Variants in ITGA9 observed in about 807,000 individuals in gnomAD.
The protein encoded by ITGA9 is integrin subunit alpha 9.
ITGA9 carries 56 observed loss-of-function variants against 127.8 expected under a neutral mutation model. The observed-to-expected ratio is 0.44, with a 90% CI of 0.35 to 0.55. The LOEUF (loss-of-function observed/expected upper bound fraction) is 0.55, where lower values mean the gene tolerates loss of function less well. Ranked by LOEUF, ITGA9 falls within the 20% of genes least tolerant of loss-of-function variation. The pLI is 0.00. For missense variants in ITGA9, 1,196 were observed against 1,347.1 expected, an observed-to-expected ratio of 0.89 and a Z score of 1.76; for synonymous variants, 508 against 514.5, an observed-to-expected ratio of 0.99 and a Z score of 0.17.
chr3:37,687,047 G>A (rs1191555706), intron 18 of ITGA9, among the ~76,000 whole-genome samples: 8 of 152,092 alleles, frequency 5.3e-5, no homozygotes, highest in African/African-American at 1.7e-4. Context: ...GATACAGAGG[G>A]AAAGCATAAG....
intron 18 of ITGA9, among the ~76,000 whole-genome samples, chr3:37,720,320 T>G (rs904130388): frequency 3.9e-5 from 6 of 152,218 alleles, no homozygotes; most frequent in Admixed American, 2.0e-4. Context: ...CGCATAACCT[T>G]TTCATCCAAA....
intron 15 of ITGA9, among the ~76,000 whole-genome samples, chr3:37,619,905 T>C (rs1559551237): frequency 6.6e-6 from 1 of 151,972 alleles, no homozygotes; most frequent in East Asian, 1.9e-4. Context: ...CCTTCCAGTC[T>C]CTTAGCTCAC....
At chr3:37,513,085 C>T (rs968528029) in intron 8 of ITGA9, among the ~76,000 whole-genome samples, 6 of 152,190 alleles carry the variant, frequency 3.9e-5, no homozygotes, top group African/African-American at 1.4e-4. Context: ...CCTATTTCCC[C>T]ATGTAACATT....
At chr3:37,808,433 A>C (rs1224307009) in intron 27 of ITGA9, 2 of 152,132 alleles carry the variant, frequency 1.3e-5, no homozygotes, top group African/African-American at 2.4e-5. Context: ...GATACTGGGG[A>C]GGAGACTCTC....
At chr3:37,726,222 G>A (rs552877998) in intron 18 of ITGA9, among the ~76,000 whole-genome samples, 1 of 152,308 alleles carries the variant, frequency 6.6e-6, no homozygotes, top group Admixed American at 6.5e-5. Flanking sequence ...GCTTTTACCA[G>A]CCCACAAGGG....
chr3:37,756,177 A>T (rs1040916889), intron 23 of ITGA9, among the ~76,000 whole-genome samples: 3 of 152,018 alleles, frequency 2.0e-5, no homozygotes, highest in Non-Finnish European at 4.4e-5. Context: ...AAAGGCAAAT[A>T]TTAACCCAAA....
At chr3:37,719,547 A>G (rs531150528) in intron 18 of ITGA9, among the ~76,000 whole-genome samples, 1 of 152,130 alleles carries the variant, frequency 6.6e-6, no homozygotes, top group Non-Finnish European at 1.5e-5. Flanking sequence ...AACACCCTCC[A>G]TGTCCCCTCC....
chr3:37,453,470 G>A (rs1461738113), intron 1 of ITGA9, among the ~76,000 whole-genome samples: 10 of 152,196 alleles, frequency 6.6e-5, no homozygotes, highest in Admixed American at 6.5e-4. Context: ...GGGGGGGTTG[G>A]TGCCCTCCTT....
Position 37,558,059 on chromosome 3 carries a change from G to A in ITGA9, c.1689+15474G>A, listed in dbSNP as rs77712555. Reference sequence around the variant, plus strand: ...GTGGATTGGTGCTAGGTTTCTCCTGGTCTTGGACGAGGTTGCACTTTTCAG... The same window carrying A: ...GTGGATTGGTGCTAGGTTTCTCCTGATCTTGGACGAGGTTGCACTTTTCAG... On this transcript the variant is annotated intron_variant, in intron 15 of 27. Transcript: ENST00000264741. 1.7e-3 allele frequency among the ~76,000 whole-genome samples: 263 copies of A among 152,320 alleles called. 4 individuals carry two copies. The East Asian group carries it at 0.034, about 20-fold the overall frequency.
chr3:37,515,386 G>A (rs892593743), intron 9 of ITGA9, among the ~76,000 whole-genome samples: 3 of 152,204 alleles, frequency 2.0e-5, no homozygotes, highest in African/African-American at 7.2e-5. Context: ...GTGGGCAGAT[G>A]CCAGAAAGGA....
rs148008796 is a variant in ITGA9 at position 37,778,125 on chromosome 3, A to G, written c.2667+608A>G. 7.0e-4 allele frequency among the ~76,000 whole-genome samples: 106 copies of G among 152,370 alleles called. 1 individual carries two copies. Among genetic ancestry groups the G allele is most frequent in the Middle Eastern group, 3.4e-3 (1 of 294 alleles). The stretch of plus-strand genomic sequence containing the variant: ...ATATATTGAGTGGAAGAAGCTAGAG[A>G]CAAAAGCCACATATTGTAATATTTC... On this transcript the variant is annotated intron_variant, in intron 24 of 27. Coordinates refer to ENST00000264741, the MANE Select transcript of ITGA9 (RefSeq NM_002207.3).
At position 37,551,625 on chromosome 3, in the gene ITGA9, C is replaced by T. The variant is rs116159446; in HGVS notation, c.1689+9040C>T. Among the ~76,000 whole-genome samples the T allele has an allele frequency of 5.8e-3, 877 of 152,330 alleles. 4 individuals carry two copies. Among genetic ancestry groups the T allele is most frequent in the African/African-American group, 0.019 (803 of 41,572 alleles). On this transcript the variant is annotated intron_variant, in intron 15 of 27. Transcript: ENST00000264741. ...TTGTCTTCTCCACCCATTCCCACGG[C>T]ATCCATTCCTAAGGTCATTTGGAGA...
chr3:37,817,296 G>A (rs1228503267), intron 27 of ITGA9, among the ~76,000 whole-genome samples: 1 of 152,218 alleles, frequency 6.6e-6, no homozygotes, highest in Non-Finnish European at 1.5e-5. Flanking sequence ...CTTGGGAATT[G>A]CAAGCTGATG....
At position 37,489,583 on chromosome 3, in the gene ITGA9, C is replaced by T. The variant is rs1397616586; in HGVS notation, c.545-4918C>T. ...TTTTCATAAAATGTTCTCGCTTCCT[C>T]TTTAACCTAGCTGTTTAATTTATTT... On this transcript the variant is annotated intron_variant, in intron 4 of 27. Transcript: ENST00000264741. Among the ~76,000 whole-genome samples, 3 of 152,162 alleles carry T rather than the reference C, an allele frequency of 2.0e-5. No homozygotes were observed. The East Asian group carries it at 5.8e-4, about 29-fold the overall frequency.
intron 9 of ITGA9, 81 bp downstream of exon 9, chr3:37,513,981 G>C (rs1698960147): frequency 1.3e-6 from 2 of 1,552,298 alleles, no homozygotes; most frequent in Admixed American, 3.3e-5. Flanking sequence ...GCACCCCTCT[G>C]GGCCGGCACT....
chr3:37,712,184 C>T (rs1701086780), intron 18 of ITGA9, among the ~76,000 whole-genome samples: 1 of 151,606 alleles, frequency 6.6e-6, no homozygotes, highest in African/African-American at 2.4e-5. Flanking sequence ...CATGTGAGCC[C>T]TGTGGAGCAG....
intron 18 of ITGA9, among the ~76,000 whole-genome samples, chr3:37,692,871 G>A (rs932611040): frequency 6.6e-6 from 1 of 152,180 alleles, no homozygotes; most frequent in East Asian, 1.9e-4. Flanking sequence ...TGCGGTATGG[G>A]ATTCAGACTT....
chr3:37,590,141 G>A (rs991751173), intron 15 of ITGA9, among the ~76,000 whole-genome samples: 2 of 152,164 alleles, frequency 1.3e-5, no homozygotes, highest in African/African-American at 4.8e-5. Flanking sequence ...ATTGCTTTGG[G>A]AGTTCAGGAC....
intron 11 of ITGA9, among the ~76,000 whole-genome samples, chr3:37,521,512 G>A (rs1408517018): frequency 1.3e-5 from 2 of 152,316 alleles, no homozygotes; most frequent in African/African-American, 2.4e-5. Flanking sequence ...TGCTGGAGGG[G>A]ACACTGCATA....
Sources: gnomAD v4.1 joint callset for allele counts (sites outside exome capture counted in the v4.1 genomes callset) on GRCh38, gnomAD v4.1.1 for gene constraint, MANE v1.5 for transcripts, NCBI Gene and HGNC (gene_info 2026-07-23, HGNC 2026-07-21) for gene names.